The following CNOT4 variants were observed in gnomAD, a reference collection of about 807,000 sequenced individuals.
CNOT4 encodes CCR4-NOT transcription complex subunit 4, also known as CCR4-associated factor 4.
Under a neutral mutation model 73.8 loss-of-function variants are expected in CNOT4, and 8 were observed. The observed-to-expected ratio is 0.11, with a 90% CI of 0.06 to 0.20. The LOEUF (loss-of-function observed/expected upper bound fraction) is 0.20, where lower values mean the gene tolerates loss of function less well. CNOT4 is among the 10% of genes least tolerant of loss of function. The pLI, the probability that CNOT4 is intolerant of heterozygous loss-of-function variation, is 1.00. For synonymous variants in CNOT4, 293 were observed against 321.1 expected, an observed-to-expected ratio of 0.91 and a Z score of 0.94; for missense variants, 564 against 883.4, an observed-to-expected ratio of 0.64 and a Z score of 4.58.
rs192322665 is a variant in CNOT4, at chr7:135,401,966, G to C, written c.822-3740C>G. ...TAATCTGGTCTCCTAACACAATCAAGATATTCCCAGAAGGCAATGCTGTAT... is the reference window on the plus strand; with the variant it reads ...TAATCTGGTCTCCTAACACAATCAACATATTCCCAGAAGGCAATGCTGTAT... On this transcript the variant is annotated intron_variant, in intron 7 of 11. Coordinates refer to ENST00000541284, the MANE Select transcript of CNOT4 (RefSeq NM_001190850.2). 5.3e-4 allele frequency among the ~76,000 whole-genome samples: 80 copies of C among 152,204 alleles called. No individual in the cohort carries two copies. The East Asian group carries it at 0.01, about 19-fold the overall frequency.
At chr7:135,387,850 T>C (rs1796198583) in intron 10 of CNOT4, 1 of 976,900 alleles carries the variant, frequency 1.0e-6, no homozygotes, top group Non-Finnish European at 1.2e-6. Context: ...GGCCTAATTT[T>C]AGAGGACATC....
At chr7:135,393,851 C>G in intron 10 of CNOT4, 67 bp downstream of exon 10, 1 of 1,071,554 alleles carries the variant, frequency 9.3e-7, no homozygotes, top group Non-Finnish European at 1.4e-6. Flanking sequence ...CAGTTACTTC[C>G]CTATCCACCC....
intron 1 of CNOT4, among the ~76,000 whole-genome samples, chr7:135,474,235 C>T (rs1006444290): frequency 2.7e-5 from 4 of 150,748 alleles, no homozygotes; most frequent in Admixed American, 2.7e-4. Flanking sequence ...GCCTCAGCCT[C>T]CCAAAGTGCT....
At chr7:135,415,334 T>C (rs1191073226) in intron 3 of CNOT4, 72 bp from the exon 4 acceptor site, 2 of 730,120 alleles carry the variant, frequency 2.7e-6, no homozygotes, top group African/African-American at 1.8e-5. Flanking sequence ...ATGGAGACAT[T>C]CATCATCCCT....
At chr7:135,383,282 G>C (rs1795944838) in intron 10 of CNOT4, among the ~76,000 whole-genome samples, 1 of 152,054 alleles carries the variant, frequency 6.6e-6, no homozygotes, top group African/African-American at 2.4e-5. Flanking sequence ...TGTAATAAGG[G>C]CTCCTCAACT....
chr7:135,377,056 C>T (rs879239538), intron 10 of CNOT4, among the ~76,000 whole-genome samples: 1 of 152,062 alleles, frequency 6.6e-6, no homozygotes. Context: ...TTTAAGAGTT[C>T]TTTCTCATTA....
intron 5 of CNOT4, among the ~76,000 whole-genome samples, chr7:135,414,063 C>A (rs1179566631): frequency 6.6e-6 from 1 of 151,848 alleles, no homozygotes; most frequent in Non-Finnish European, 1.5e-5. Flanking sequence ...AATAATGGTA[C>A]TATTTTCACA....
intron 6 of CNOT4, among the ~76,000 whole-genome samples, chr7:135,412,660 T>C (rs532746339): frequency 3.7e-4 from 56 of 152,010 alleles, no homozygotes; most frequent in Non-Finnish European, 6.3e-4. Flanking sequence ...CATTTAACAA[T>C]CTTTTCTTAA....
At chr7:135,391,483 T>C (rs1032215217) in intron 10 of CNOT4, among the ~76,000 whole-genome samples, 2 of 151,738 alleles carry the variant, frequency 1.3e-5, no homozygotes, top group Admixed American at 6.6e-5. Flanking sequence ...CCCTACCAAA[T>C]AGTACAACGA....
chr7:135,435,132 A>G (rs1799072609), intron 2 of CNOT4, among the ~76,000 whole-genome samples: 1 of 152,160 alleles, frequency 6.6e-6, no homozygotes, highest in Non-Finnish European at 1.5e-5. Context: ...TTTATCTCTC[A>G]CAAGCTTTTA....
intron 10 of CNOT4, chr7:135,387,161 T>A: frequency 1.0e-6 from 1 of 979,956 alleles, no homozygotes. Context: ...ACAATATTAA[T>A]AAGTCTACAG....
chr7:135,485,176 G>A (rs1406803712), intron 1 of CNOT4, among the ~76,000 whole-genome samples: 2 of 152,094 alleles, frequency 1.3e-5, no homozygotes, highest in Non-Finnish European at 2.9e-5. Context: ...GGATTCAAGC[G>A]ATTCTCCTGC....
Position 135,410,665 on chromosome 7 carries a change from T to C in CNOT4, c.688-17A>G, listed in dbSNP as rs760576825. The C allele has an allele frequency of 3.2e-6, 5 of 1,568,748 alleles. No homozygotes were observed. On this transcript the variant is annotated splice_polypyrimidine_tract_variant and intron_variant, in intron 6 of 11. Coordinates refer to ENST00000541284, the MANE Select transcript of CNOT4 (RefSeq NM_001190850.2). ...TTTACCCGCCTAACGAAAGAAGAAA[T>C]TAAAACTGCAGTGGGATTCACAAAA... is the stretch of plus-strand genomic sequence containing the variant.
At chr7:135,370,319 T>C (rs1301597822) in intron 10 of CNOT4, among the ~76,000 whole-genome samples, 2 of 152,228 alleles carry the variant, frequency 1.3e-5, no homozygotes, top group Non-Finnish European at 2.9e-5. Context: ...TTGTTTATAC[T>C]AGTAGAAATG....
intron 1 of CNOT4, among the ~76,000 whole-genome samples, chr7:135,442,298 A>G (rs1342343090): frequency 6.6e-6 from 1 of 152,216 alleles, no homozygotes; most frequent in African/African-American, 2.4e-5. Flanking sequence ...AACTAATATT[A>G]AAATTAAAAC....
intron 3 of CNOT4, among the ~76,000 whole-genome samples, chr7:135,420,300 G>A (rs1210568653): frequency 1.3e-5 from 2 of 151,582 alleles, no homozygotes; most frequent in Non-Finnish European, 2.9e-5. Flanking sequence ...TTCTAGGTTG[G>A]GCGCAGTGGC....
intron 1 of CNOT4, among the ~76,000 whole-genome samples, chr7:135,505,233 C>T (rs1189654215): frequency 6.6e-6 from 1 of 152,110 alleles, no homozygotes; most frequent in East Asian, 1.9e-4. Context: ...GACAACTCTC[C>T]TGTATAAACA....
At chr7:135,394,514 A>G in intron 9 of CNOT4, 99 bp from the exon 10 acceptor site, 1 of 1,067,116 alleles carries the variant, frequency 9.4e-7, no homozygotes, top group African/African-American at 1.6e-5. Flanking sequence ...TCATTTTACA[A>G]ATTAAGTAAG....
At chr7:135,460,896 A>G (rs1052556872) in intron 1 of CNOT4, among the ~76,000 whole-genome samples, 2 of 152,288 alleles carry the variant, frequency 1.3e-5, no homozygotes, top group South Asian at 2.1e-4. Flanking sequence ...GGATTCAACA[A>G]ATTTTTTTCT....
Sources: allele counts gnomAD v4.1 joint callset (sites outside exome capture counted in the v4.1 genomes callset), GRCh38; gene constraint gnomAD v4.1.1; transcripts MANE v1.5; gene names NCBI Gene and HGNC (gene_info 2026-07-23, HGNC 2026-07-21).